SLC45A4: variants seen among roughly 807,000 people sequenced by gnomAD.
The protein encoded by SLC45A4 is polyamine-transporter SLC45A4.
In SLC45A4, 32 loss-of-function variants were observed where a neutral mutation model predicts 63.7. That is an observed-to-expected ratio of 0.50 (90% confidence interval 0.38 to 0.67). The LOEUF is 0.67. SLC45A4 is among the 30% of genes least tolerant of loss of function. The pLI is 0.00. For missense variants in SLC45A4, 1,027 were observed against 1,157.7 expected (o/e 0.89, Z 1.64); for synonymous variants, 535 against 510.0 (o/e 1.05, Z -0.66).
intron 2 of SLC45A4, chr8:141,228,477 G>GGGCACCTGTCTTCACTGGCA (rs562547309): frequency 2.0e-5 from 27 of 1,354,144 alleles, no homozygotes; most frequent in Admixed American, 3.1e-5. Flanking sequence ...TCCAGCTTGT[G>GGGCACCTGTCTTCACTGGCA]GGCACCTGTC....
Position 141,207,207 on chromosome 8 carries a change from G to T in SLC45A4, c.*4365C>A, listed in dbSNP as rs549667932. The T allele has an allele frequency of 1.3e-5, 2 of 152,636 alleles. No homozygotes were observed. Among genetic ancestry groups the T allele is most frequent in the Non-Finnish European group, 2.9e-5 (2 of 68,234 alleles). 9.5% of individuals were successfully genotyped at this position (152,636 alleles called of 1,614,324 possible). ...AAAAGTTTATTGAGTCAGCCACAGA[G>T]GAACAGAGAAACAGACACAAGGAGG... On this transcript the variant is annotated 3_prime_UTR_variant, in exon 9 of 9. Coordinates refer to ENST00000517878, the MANE Select transcript of SLC45A4 (RefSeq NM_001286646.2).
intron 1 of SLC45A4, among the ~76,000 whole-genome samples, chr8:141,279,506 A>T (rs1230672231): frequency 6.6e-6 from 1 of 152,232 alleles, no homozygotes; most frequent in Non-Finnish European, 1.5e-5. Context: ...TTGATGAGGG[A>T]GGCCAGCTTT....
Position 141,212,320 on chromosome 8 carries a change from C to G in SLC45A4, c.2178G>C (p.Glu726Asp). The part of the protein sequence containing the change: ...YPNVSEEAKE[E>D]QKGLSSPLAG... The stretch of plus-strand genomic sequence containing the variant: ...CCAACGGGGAAGACAGGCCTTTCTG[C>G]TCCTCCTTGGCCTCCTCTGACACGT... Residue 726 changes from glutamate to aspartate, a missense_variant, in exon 8 of 9, where the codon GAG becomes GAC. Coordinates refer to ENST00000517878, the MANE Select transcript of SLC45A4 (RefSeq NM_001286646.2). 1.2e-6 allele frequency: 2 copies of G among 1,611,258 alleles called. No individual in the cohort carries two copies. The highest frequency in any genetic ancestry group is 1.7e-6 in the Non-Finnish European group (2 of 1,178,218).
chr8:141,248,694 C>T (rs1259809096), intron 2 of SLC45A4, among the ~76,000 whole-genome samples: 1 of 152,074 alleles, frequency 6.6e-6, no homozygotes, highest in Non-Finnish European at 1.5e-5. Flanking sequence ...AGCAAAACCT[C>T]GTCTCAATAA....
Position 141,256,086 on chromosome 8 carries a change from C to T in SLC45A4, c.-400-1457G>A, listed in dbSNP as rs938856560. Among the ~76,000 whole-genome samples the T allele has an allele frequency of 2.0e-5, 3 of 152,138 alleles. No individual in the cohort carries two copies. Among genetic ancestry groups the T allele is most frequent in the African/African-American group, 7.2e-5 (3 of 41,434 alleles). On this transcript the variant is annotated intron_variant, in intron 1 of 8. Transcript: ENST00000517878. The surrounding 1 kb of genome is among the most constrained non-coding windows in gnomAD (Gnocchi z 4.3). ...AAACCCAGCTTGGTGACAAATTCCC[C>T]ACCTGGGCAAACACATACAATAAAG...
intron 1 of SLC45A4, among the ~76,000 whole-genome samples, chr8:141,291,601 AAC>A (rs1250061722): frequency 1.3e-5 from 2 of 152,246 alleles, no homozygotes; most frequent in African/African-American, 4.8e-5. Flanking sequence ...GTCAGAAAGT[AAC>A]AGTCAAACCA....
Position 141,218,441 on chromosome 8 carries a change from C to G in SLC45A4, c.1199G>C (p.Arg400Thr), listed in dbSNP as rs764105621. ...PTKDALGGYTRVDTKPSATSS... is the reference protein window; with the variant it reads ...PTKDALGGYTTVDTKPSATSS... ...CGTGGCCGAGGGCTTCGTGTCCACC[C>G]TGGTGTAGCCGCCGAGGGCGTCTTT... is the stretch of plus-strand genomic sequence containing the variant. Residue 400 changes from arginine (R) to threonine (T), a missense_variant, in exon 5 of 9, where the codon AGG becomes ACG. Physicochemically the swap from Arg to Thr is moderately conservative, Grantham distance 71 (BLOSUM62 -1). Transcript: ENST00000517878. 7.4e-6 allele frequency: 12 copies of G among 1,612,558 alleles called. No individual in the cohort carries two copies. Among genetic ancestry groups the G allele is most frequent in the Non-Finnish European group, 9.3e-6 (11 of 1,179,942 alleles).
chr8:141,304,138 A>T (rs1322770514), intron 1 of SLC45A4, among the ~76,000 whole-genome samples: 2 of 152,134 alleles, frequency 1.3e-5, no homozygotes, highest in Non-Finnish European at 2.9e-5. Flanking sequence ...ACTTAAGAGA[A>T]ATCCCACCAG....
At chr8:141,239,576 A>G (rs1026865574) in intron 2 of SLC45A4, among the ~76,000 whole-genome samples, 8 of 13,548 alleles carry the variant, frequency 5.9e-4, no homozygotes, top group Admixed American at 8.2e-4. Context: ...GGAGCAAAGC[A>G]CACACACACA....
intron 2 of SLC45A4, among the ~76,000 whole-genome samples, chr8:141,247,358 A>G (rs558356603): frequency 2.2e-5 from 3 of 133,970 alleles, no homozygotes; most frequent in Non-Finnish European, 5.2e-5. Context: ...TATGTGACGG[A>G]CCTACATACT....
At chr8:141,282,898 C>A (rs1830006282) in intron 1 of SLC45A4, among the ~76,000 whole-genome samples, 1 of 152,222 alleles carries the variant, frequency 6.6e-6, no homozygotes, top group Non-Finnish European at 1.5e-5. Flanking sequence ...GTCAGAGATG[C>A]AGGGCAGGGG....
intron 1 of SLC45A4, among the ~76,000 whole-genome samples, chr8:141,281,708 C>T (rs1393711318): frequency 1.3e-5 from 2 of 152,182 alleles, no homozygotes; most frequent in Non-Finnish European, 2.9e-5. Context: ...AAAGCAGCAG[C>T]TACTGAACAT....
chr8:141,295,240 C>T (rs1017909580), intron 1 of SLC45A4, among the ~76,000 whole-genome samples: 14 of 152,110 alleles, frequency 9.2e-5, no homozygotes, highest in Admixed American at 9.2e-4. Context: ...ACCACACCTG[C>T]TTTATGGGTG....
chr8:141,211,354 C>A lies in SLC45A4; in HGVS notation c.*218G>T, dbSNP rs566205599. On this transcript the variant is annotated 3_prime_UTR_variant, in exon 9 of 9. Coordinates refer to ENST00000517878, the MANE Select transcript of SLC45A4 (RefSeq NM_001286646.2). ...GGGCGCAGACACACTCACACGCGCA[C>A]GCAGGAGCTCGTCTGGAGCTCACGC... The A allele has an allele frequency of 2.8e-6, 4 of 1,421,644 alleles. No homozygotes were observed. Among genetic ancestry groups the A allele is most frequent in the African/African-American group, 2.9e-5 (2 of 69,376 alleles). 88.1% of individuals were successfully genotyped at this position (1,421,644 alleles called of 1,614,324 possible). A position where few individuals can be genotyped will look rare whatever the true frequency, so the allele number is the denominator to read the frequency against.
chr8:141,218,791 G>C lies in SLC45A4; in HGVS notation c.849C>G (p.Phe283Leu). ...CGTGCTCCGACTGTACCTCGTCTGG[G>C]AAGGCAGGGACGCCGTGCGGCTCGC... ...DGGEPHGVPA[F>L]PDEVQSEHEL... is the part of the protein sequence containing the mutation. The change falls in exon 5 of 9, where the codon TTC becomes TTG. Residue 283 changes from phenylalanine to leucine, a missense_variant. Physicochemically the swap from Phe to Leu is conservative, Grantham distance 22 (BLOSUM62 0). Coordinates refer to ENST00000517878, the MANE Select transcript of SLC45A4 (RefSeq NM_001286646.2). 1 of 1,613,250 alleles carries C rather than the reference G, an allele frequency of 6.2e-7. No homozygotes were observed. The highest frequency in any genetic ancestry group is 8.5e-7 in the Non-Finnish European group (1 of 1,179,858).
At chr8:141,286,200 C>G (rs929683687) in intron 1 of SLC45A4, among the ~76,000 whole-genome samples, 3 of 152,326 alleles carry the variant, frequency 2.0e-5, no homozygotes, top group African/African-American at 7.2e-5. Context: ...ACTGGGTGCC[C>G]ACAGCCCCTC....
At chr8:141,212,638 A>G (rs1400798697) in intron 7 of SLC45A4, 82 bp from the exon 8 acceptor site, 10 of 1,450,198 alleles carry the variant, frequency 6.9e-6, no homozygotes, top group Non-Finnish European at 9.1e-6. Context: ...GTATTAACCC[A>G]CAAGCCTGGA....
intron 2 of SLC45A4, among the ~76,000 whole-genome samples, chr8:141,237,255 C>T (rs933329474): frequency 6.6e-6 from 1 of 152,150 alleles, no homozygotes; most frequent in African/African-American, 2.4e-5. Flanking sequence ...TGGAGTGGCA[C>T]GTAAGGCCTC....
intron 2 of SLC45A4, among the ~76,000 whole-genome samples, chr8:141,244,796 C>A (rs1828087558): frequency 6.6e-6 from 1 of 152,086 alleles, no homozygotes; most frequent in South Asian, 2.1e-4. Context: ...ACCGACGGGG[C>A]TCAGGACGGG....
Sources: allele counts gnomAD v4.1 joint callset (sites outside exome capture counted in the v4.1 genomes callset), GRCh38; gene constraint gnomAD v4.1.1; non-coding constraint Gnocchi (gnomAD v3.1); transcripts MANE v1.5; gene names NCBI Gene and HGNC (gene_info 2026-07-23, HGNC 2026-07-21).